Variants in DNM3 observed in about 807,000 individuals in gnomAD.
The protein encoded by DNM3 is dynamin 3, also known as dynamin-3.
Under a neutral mutation model 101.6 loss-of-function variants are expected in DNM3, and 47 were observed. That is an observed-to-expected ratio of 0.46 (90% CI 0.37 to 0.59). The LOEUF (loss-of-function observed/expected upper bound fraction) is 0.59, where lower values mean the gene tolerates loss of function less well. Among genes scored for constraint, DNM3 ranks in the 20% least tolerant of loss-of-function variants. The pLI, the probability that DNM3 is intolerant of heterozygous loss-of-function variation, is 0.00. For missense variants in DNM3, 849 were observed against 1,085.7 expected (o/e 0.78, Z 3.06); for synonymous variants, 385 against 387.9 (o/e 0.99, Z 0.09).
At chr1:172,239,641 A>G (rs1312190842) in intron 14 of DNM3, among the ~76,000 whole-genome samples, 1 of 152,120 alleles carries the variant, frequency 6.6e-6, no homozygotes, top group East Asian at 1.9e-4. Flanking sequence ...AGCTGAGGAT[A>G]GATGGGGCCA....
At chr1:172,123,565 C>A (rs2056444163) in intron 13 of DNM3, among the ~76,000 whole-genome samples, 1 of 152,196 alleles carries the variant, frequency 6.6e-6, no homozygotes, top group Admixed American at 6.5e-5. Flanking sequence ...AAACTGCAGG[C>A]ATGACCCCCT....
At chr1:172,389,575 G>T (rs2069403422) in intron 20 of DNM3, among the ~76,000 whole-genome samples, 1 of 152,040 alleles carries the variant, frequency 6.6e-6, no homozygotes, top group Non-Finnish European at 1.5e-5. Context: ...GATTTTTAAG[G>T]TATAAAGTAC....
chr1:171,975,177 A>C (rs1324442843), intron 2 of DNM3, among the ~76,000 whole-genome samples: 3 of 152,048 alleles, frequency 2.0e-5, no homozygotes, highest in Non-Finnish European at 4.4e-5. Flanking sequence ...TTTTTAAAAA[A>C]CTTTCAAGAA....
intron 14 of DNM3, among the ~76,000 whole-genome samples, chr1:172,212,207 G>A (rs2060538228): frequency 6.6e-6 from 1 of 152,128 alleles, no homozygotes; most frequent in African/African-American, 2.4e-5. Flanking sequence ...CAGAAAGGAT[G>A]TCGATTATGA....
chr1:172,180,951 A>G (rs905888778), intron 14 of DNM3, among the ~76,000 whole-genome samples: 8 of 152,106 alleles, frequency 5.3e-5, no homozygotes, highest in Non-Finnish European at 8.8e-5. Flanking sequence ...GTTTACCAAC[A>G]TTTAAATGAT....
intron 2 of DNM3, among the ~76,000 whole-genome samples, chr1:171,973,990 G>T (rs1170162909): frequency 2.7e-5 from 4 of 147,814 alleles, no homozygotes; most frequent in Non-Finnish European, 4.5e-5. Context: ...TAGTGTTTTT[G>T]TTTTTTTTTT....
intron 2 of DNM3, among the ~76,000 whole-genome samples, chr1:171,969,852 A>G (rs2043861437): frequency 6.6e-6 from 1 of 152,168 alleles, no homozygotes; most frequent in Admixed American, 6.5e-5. Flanking sequence ...CCCATTTTAC[A>G]TAGAGGAAAC....
intron 17 of DNM3, among the ~76,000 whole-genome samples, chr1:172,346,122 C>CAA (rs554868535): frequency 0.082 from 7,574 of 91,978 alleles, 281 homozygotes; most frequent in South Asian, 0.14. Context: ...GACTCCGTCT[C>CAA]AAAAAAAAAA....
At chr1:172,008,037 T>C (rs972706062) in intron 4 of DNM3, among the ~76,000 whole-genome samples, 1 of 152,116 alleles carries the variant, frequency 6.6e-6, no homozygotes, top group African/African-American at 2.4e-5. Flanking sequence ...CTTTTGCCCA[T>C]TTTAAAGTCA....
chr1:172,018,149 C>G (rs2047576747), intron 4 of DNM3, among the ~76,000 whole-genome samples: 1 of 152,066 alleles, frequency 6.6e-6, no homozygotes, highest in Non-Finnish European at 1.5e-5. Flanking sequence ...TTGATCCACT[C>G]TAACAATCTC....
At chr1:172,066,331 G>C (rs559555083) in intron 10 of DNM3, among the ~76,000 whole-genome samples, 2 of 152,270 alleles carry the variant, frequency 1.3e-5, no homozygotes, top group Admixed American at 6.5e-5. Context: ...ATACAGAAAA[G>C]GTATTTATTT....
chr1:171,889,881 C>T (rs551043085), intron 1 of DNM3, among the ~76,000 whole-genome samples: 1 of 152,194 alleles, frequency 6.6e-6, no homozygotes, highest in South Asian at 2.1e-4. Context: ...CTTTATTTCA[C>T]CCATTAATAT....
chr1:171,965,316 G>A (rs2043494876), intron 2 of DNM3, among the ~76,000 whole-genome samples: 1 of 151,794 alleles, frequency 6.6e-6, no homozygotes, highest in Non-Finnish European at 1.5e-5. Flanking sequence ...TCTGAGGTGG[G>A]TGGATTGCTT....
At chr1:172,048,869 A>T (rs1038254370) in intron 10 of DNM3, 119 bp downstream of exon 10, 2 of 1,269,588 alleles carry the variant, frequency 1.6e-6, no homozygotes. Context: ...GTGTTTGCCT[A>T]CAGGGAATGG....
intron 15 of DNM3, among the ~76,000 whole-genome samples, chr1:172,260,753 T>C (rs911552025): frequency 6.6e-6 from 1 of 152,178 alleles, no homozygotes; most frequent in Non-Finnish European, 1.5e-5. Flanking sequence ...TTTTTCAGAA[T>C]CTTCTTTTTT....
At chr1:171,977,514 G>GC (rs2044469518) in intron 2 of DNM3, among the ~76,000 whole-genome samples, 1 of 152,100 alleles carries the variant, frequency 6.6e-6, no homozygotes, top group Non-Finnish European at 1.5e-5. Flanking sequence ...GTAATCTATA[G>GC]CCCCAAATCA....
intron 10 of DNM3, among the ~76,000 whole-genome samples, chr1:172,066,371 G>A (rs181483502): frequency 3.9e-5 from 6 of 152,266 alleles, no homozygotes; most frequent in Middle Eastern, 3.4e-3. Flanking sequence ...CAGTGTTGAG[G>A]GTCTGCCTCT....
At chr1:172,059,823 A>C (rs1001983901) in intron 10 of DNM3, among the ~76,000 whole-genome samples, 3 of 138,372 alleles carry the variant, frequency 2.2e-5, no homozygotes, top group Admixed American at 7.4e-5. Flanking sequence ...CCTATTCAAC[A>C]TAGTGTTGGA....
chr1:172,407,253 C>T (rs1350227815), intron 20 of DNM3, among the ~76,000 whole-genome samples: 1 of 151,924 alleles, frequency 6.6e-6, no homozygotes, highest in Non-Finnish European at 1.5e-5. Context: ...CTACAGAGAA[C>T]TCTAAAGACT....
Sources: allele counts gnomAD v4.1 joint callset (sites outside exome capture counted in the v4.1 genomes callset), GRCh38; gene constraint gnomAD v4.1.1; transcripts MANE v1.5; gene names NCBI Gene and HGNC (gene_info 2026-07-23, HGNC 2026-07-21).